Variants in CEP126 observed in about 807,000 individuals in gnomAD.
CEP126 encodes centrosomal protein of 126 kDa.
Under a neutral mutation model 107.8 loss-of-function variants are expected in CEP126, and 74 were observed. The observed-to-expected ratio is 0.69, with a 90% CI of 0.57 to 0.83. CEP126 has a LOEUF of 0.83. CEP126 is among the 40% of genes least tolerant of loss of function. The pLI, the probability that CEP126 is intolerant of heterozygous loss-of-function variation, is 0.00. For synonymous variants in CEP126, 449 were observed against 446.0 expected (o/e 1.01, Z -0.08); for missense variants, 1,237 against 1,281.9 (o/e 0.96, Z 0.53).
chr11:101,917,063 T>C lies in CEP126; in HGVS notation c.128+1651T>C, dbSNP rs76909661. 0.011 allele frequency among the ~76,000 whole-genome samples: 1,633 copies of C among 151,030 alleles called. 72 individuals carry two copies. In the East Asian group the frequency reaches 0.11, roughly 10 times the overall value. ...GTGTGTGTGTGTGTGTGTGTGTGTG[T>C]GTGTGTGTGTGTGCTGGTTTATATA... On this transcript the variant is annotated intron_variant, in intron 1 of 10. Transcript: ENST00000263468.
chr11:101,976,646 C>CT (rs1941194934), intron 6 of CEP126, among the ~76,000 whole-genome samples: 2 of 152,182 alleles, frequency 1.3e-5, no homozygotes, highest in South Asian at 4.1e-4. Flanking sequence ...CCCTTGGTCC[C>CT]AAGAAACTTA....
At chr11:101,981,137 G>A (rs1941250162) in intron 7 of CEP126, among the ~76,000 whole-genome samples, 1 of 152,078 alleles carries the variant, frequency 6.6e-6, no homozygotes, top group African/African-American at 2.4e-5. Flanking sequence ...CATTGGGGCA[G>A]CTATTTGTGT....
At position 101,963,114 on chromosome 11, in the gene CEP126, T is replaced by C; in HGVS notation, c.2079T>C (p.Ser693=). The C allele has an allele frequency of 6.2e-7, 1 of 1,614,122 alleles. No homozygotes were observed. The highest frequency in any genetic ancestry group is 8.5e-7 in the Non-Finnish European group (1 of 1,180,002). The change falls in exon 6 of 11, where the codon TCT becomes TCC. Residue 693 remains serine (S), a synonymous_variant. Coordinates refer to ENST00000263468, the MANE Select transcript of CEP126 (RefSeq NM_020802.4). ...ATACAAAGAAGTCCAGGGAGGATTC[T>C]ATCTCTGAAAATGTTACGACTTTAG... is the stretch of plus-strand genomic sequence containing the variant. ...SADTKKSRED[S]ISENVTTLGG... is the part of the protein sequence containing the mutation.
At chr11:101,995,919 T>G (rs1459691599) in intron 10 of CEP126, among the ~76,000 whole-genome samples, 2 of 152,218 alleles carry the variant, frequency 1.3e-5, no homozygotes, top group Non-Finnish European at 2.9e-5. Flanking sequence ...ATTCTAAAAA[T>G]ACATCATGAG....
rs556111728 is a variant in CEP126 at position 101,977,398 on chromosome 11, C to T, written c.2846-949C>T. Reference sequence around the variant, plus strand: ...CTGTAATCCCAGCACTTTGGGAGGACGAGGCGGGCAGATCACAAGGTCAAG... The same window carrying T: ...CTGTAATCCCAGCACTTTGGGAGGATGAGGCGGGCAGATCACAAGGTCAAG... On this transcript the variant is annotated intron_variant, in intron 6 of 10. Coordinates refer to ENST00000263468, the MANE Select transcript of CEP126 (RefSeq NM_020802.4). 5.9e-5 allele frequency among the ~76,000 whole-genome samples: 9 copies of T among 151,950 alleles called. No individual in the cohort carries two copies. In the East Asian group the frequency reaches 1.2e-3, roughly 20 times the overall value.
At chr11:101,926,790 C>A (rs1940418492) in intron 2 of CEP126, among the ~76,000 whole-genome samples, 1 of 152,166 alleles carries the variant, frequency 6.6e-6, no homozygotes, top group Non-Finnish European at 1.5e-5. Flanking sequence ...ATGCATATTT[C>A]TATAATCTTT....
chr11:101,959,256 A>AC (rs747436319), intron 5 of CEP126, among the ~76,000 whole-genome samples: 3,027 of 151,342 alleles, frequency 0.02, 73 homozygotes, highest in Non-Finnish European at 0.031. Context: ...TCCCAGGTTC[A>AC]AGCAGTTCTC....
chr11:101,916,286 C>A (rs1940210501), intron 1 of CEP126: 1 of 152,184 alleles, frequency 6.6e-6, no homozygotes, highest in Admixed American at 6.5e-5. Flanking sequence ...TACTCTGTTA[C>A]AATTTTAGCA....
chr11:101,930,548 A>G (rs1412284233), intron 2 of CEP126, among the ~76,000 whole-genome samples: 1 of 152,144 alleles, frequency 6.6e-6, no homozygotes, highest in Non-Finnish European at 1.5e-5. Flanking sequence ...AGAGTGAAAG[A>G]ACAAAACCTC....
chr11:101,978,374 T>C lies in CEP126; in HGVS notation c.2873T>C (p.Ile958Thr), dbSNP rs747581966. Residue 958 changes from isoleucine to threonine, a missense_variant, in exon 7 of 11, where the codon ATT becomes ACT. Physicochemically the swap from Ile to Thr is moderately conservative, Grantham distance 89 (BLOSUM62 -1). Transcript: ENST00000263468. ...TCTACTGTTATGAGAAGAAAACGAA[T>C]TGCTGAAACTAAGCGGAGAAATATT... is the stretch of plus-strand genomic sequence containing the variant. The part of the protein sequence containing the change: ...TGSTVMRRKR[I>T]AETKRRNILE... 2.5e-6 allele frequency: 4 copies of C among 1,613,408 alleles called. No individual in the cohort carries two copies. In the Admixed American group the frequency reaches 6.7e-5, roughly 27 times the overall value.
intron 1 of CEP126, chr11:101,916,665 C>T (rs1335560507): frequency 6.6e-6 from 1 of 152,140 alleles, no homozygotes; most frequent in Admixed American, 6.5e-5. Context: ...TTCTTGGACA[C>T]AACTGCTATT....
chr11:101,920,557 A>G (rs1013481006), intron 1 of CEP126, among the ~76,000 whole-genome samples: 1 of 152,216 alleles, frequency 6.6e-6, no homozygotes, highest in African/African-American at 2.4e-5. Flanking sequence ...ATATATTTCT[A>G]CATCTAATGA....
chr11:101,993,225 A>G (rs1344055908), intron 10 of CEP126, among the ~76,000 whole-genome samples: 3 of 152,120 alleles, frequency 2.0e-5, no homozygotes, highest in Non-Finnish European at 4.4e-5. Flanking sequence ...CATGGCCTCA[A>G]GTGGGCCCCA....
intron 6 of CEP126, among the ~76,000 whole-genome samples, chr11:101,965,032 C>G (rs749545346): frequency 6.6e-6 from 1 of 152,134 alleles, no homozygotes; most frequent in Non-Finnish European, 1.5e-5. Context: ...TCTGCTATGA[C>G]TATTGGTTTT....
At chr11:101,958,489 G>C in intron 5 of CEP126, 123 bp downstream of exon 5, 1 of 731,678 alleles carries the variant, frequency 1.4e-6, no homozygotes, top group South Asian at 1.9e-5. Context: ...AAGACAGTGT[G>C]GATGAATCAG....
chr11:101,951,636 A>G (rs908946317), intron 4 of CEP126, among the ~76,000 whole-genome samples: 2 of 151,162 alleles, frequency 1.3e-5, no homozygotes, highest in Admixed American at 6.6e-5. Context: ...ATATTTTATT[A>G]AAAGAATAGA....
At chr11:101,938,750 T>C (rs1413497993) in intron 2 of CEP126, among the ~76,000 whole-genome samples, 1 of 152,170 alleles carries the variant, frequency 6.6e-6, no homozygotes, top group African/African-American at 2.4e-5. Context: ...ATTTAACAAA[T>C]TCAGTATGCT....
At chr11:101,954,817 A>G (rs930254647) in intron 4 of CEP126, among the ~76,000 whole-genome samples, 3 of 152,144 alleles carry the variant, frequency 2.0e-5, no homozygotes, top group Non-Finnish European at 4.4e-5. Flanking sequence ...CTATATAAAT[A>G]TGAGATATTG....
chr11:101,916,720 G>C (rs896076522), intron 1 of CEP126, among the ~76,000 whole-genome samples: 3 of 152,146 alleles, frequency 2.0e-5, no homozygotes, highest in Admixed American at 6.5e-5. Flanking sequence ...GGGAAGTATT[G>C]TAAATGGCTC....
Sources: allele counts gnomAD v4.1 joint callset (sites outside exome capture counted in the v4.1 genomes callset), GRCh38; gene constraint gnomAD v4.1.1; transcripts MANE v1.5; gene names NCBI Gene and HGNC (gene_info 2026-07-23, HGNC 2026-07-21).